The following LRRC3B variants were observed in gnomAD, a reference collection of about 807,000 sequenced individuals.
LRRC3B encodes leucine rich repeat containing 3B.
LRRC3B carries 2 observed loss-of-function variants against 12.8 expected under a neutral mutation model. That is an observed-to-expected ratio of 0.16 (90% CI 0.06 to 0.49). The LOEUF (loss-of-function observed/expected upper bound fraction) is 0.49, where lower values mean the gene tolerates loss of function less well. Among genes scored for constraint, LRRC3B ranks in the 20% least tolerant of loss-of-function variants. The pLI, the probability that LRRC3B is intolerant of heterozygous loss-of-function variation, is 0.96. For missense variants in LRRC3B, 189 were observed against 319.4 expected, an observed-to-expected ratio of 0.59 and a Z score of 3.11; for synonymous variants, 132 against 122.0, an observed-to-expected ratio of 1.08 and a Z score of -0.54.
rs1026627648 is a variant in LRRC3B, at chr3:26,710,020, G to A, written c.348G>A (p.Gln116=). 2.5e-6 allele frequency: 4 copies of A among 1,613,980 alleles called. No homozygotes were observed. The African/African-American group carries it at 4.0e-5, about 16-fold the overall frequency. The change falls in exon 2 of 2, where the codon CAG becomes CAA. Residue 116 remains glutamine, a synonymous_variant. Transcript: ENST00000396641. ...TCAAAGGAGTAGCTGAAACCTTGCA[G>A]ACTCTGGACTTGTCCGACAATCGGA...
At position 26,685,615 on chromosome 3, in the gene LRRC3B, G is replaced by GTGTATA. The variant is rs1395832034; in HGVS notation, c.-160-23897_-160-23896insGTATAT. Among the ~76,000 whole-genome samples the GTGTATA allele has an allele frequency of 2.3e-3, 279 of 120,476 alleles. 3 individuals carry two copies. The highest frequency in any genetic ancestry group is 8.9e-3 in the African/African-American group (262 of 29,394). 79.0% of individuals were successfully genotyped at this position (120,476 alleles called of 152,430 possible). On this transcript the variant is annotated intron_variant, in intron 1 of 1. Transcript: ENST00000396641. The stretch of plus-strand genomic sequence containing the variant: ...CACTCATATATATATATGTGTGTGT[G>GTGTATA]TATATATATATATATATATCTATAT...
At chr3:26,665,911 G>A (rs566334844) in intron 1 of LRRC3B, among the ~76,000 whole-genome samples, 15 of 152,250 alleles carry the variant, frequency 9.9e-5, no homozygotes, top group African/African-American at 3.6e-4. Context: ...AGAGCTAAAA[G>A]TTTAATGTTG....
exon 2 of LRRC3B, chr3:26,710,119 C>T (rs559356448): frequency 5.5e-5 from 89 of 1,613,948 alleles, no homozygotes; most frequent in South Asian, 2.1e-4. Flanking sequence ...CCTGGCACTG[C>T]GACTGTACTC....
chr3:26,697,346 G>C (rs1700342526), intron 1 of LRRC3B, among the ~76,000 whole-genome samples: 1 of 152,136 alleles, frequency 6.6e-6, no homozygotes, highest in Non-Finnish European at 1.5e-5. Flanking sequence ...TTCTTGACTT[G>C]TGGCTATATC....
At chr3:26,656,976 C>T (rs1281885863) in intron 1 of LRRC3B, among the ~76,000 whole-genome samples, 2 of 152,154 alleles carry the variant, frequency 1.3e-5, no homozygotes, top group Non-Finnish European at 2.9e-5. Flanking sequence ...CACAACTTGG[C>T]TCTCTGAGAT....
intron 1 of LRRC3B, among the ~76,000 whole-genome samples, chr3:26,685,161 C>T (rs1200083373): frequency 6.6e-6 from 1 of 151,976 alleles, no homozygotes; most frequent in Non-Finnish European, 1.5e-5. Context: ...ACAAGTTGGT[C>T]AGGCTGGTCT....
At chr3:26,684,126 CT>C (rs1276344696) in intron 1 of LRRC3B, among the ~76,000 whole-genome samples, 2 of 152,192 alleles carry the variant, frequency 1.3e-5, no homozygotes, top group Non-Finnish European at 2.9e-5. Context: ...TCCTTGGAAT[CT>C]TTATTCTCCA....
At chr3:26,701,829 G>A (rs773476838) in intron 1 of LRRC3B, among the ~76,000 whole-genome samples, 1 of 152,092 alleles carries the variant, frequency 6.6e-6, no homozygotes, top group Non-Finnish European at 1.5e-5. Context: ...CACAGAACAT[G>A]TGTCAGCCAA....
At chr3:26,671,538 C>A (rs966571524) in intron 1 of LRRC3B, among the ~76,000 whole-genome samples, 1 of 150,754 alleles carries the variant, frequency 6.6e-6, no homozygotes, top group South Asian at 2.1e-4. Context: ...ACTACAGGCG[C>A]GCGCCACCAA....
intron 1 of LRRC3B, among the ~76,000 whole-genome samples, chr3:26,629,593 C>G (rs966923695): frequency 1.3e-5 from 2 of 152,190 alleles, no homozygotes; most frequent in African/African-American, 2.4e-5. Context: ...GTCCAGGCTG[C>G]TGATCTTCTC....
At chr3:26,686,473 A>T in intron 1 of LRRC3B, among the ~76,000 whole-genome samples, 1 of 152,162 alleles carries the variant, frequency 6.6e-6, no homozygotes, top group East Asian at 1.9e-4. Flanking sequence ...TTTTTATCCA[A>T]TTTCCATTTG....
At chr3:26,630,077 A>G (rs937518366) in intron 1 of LRRC3B, among the ~76,000 whole-genome samples, 2 of 152,068 alleles carry the variant, frequency 1.3e-5, no homozygotes, top group African/African-American at 4.8e-5. Flanking sequence ...GATAAGGGGA[A>G]AAAAAAATCC....
chr3:26,671,410 A>AGAGAGAGAGAGAGAGAGAGAGG (rs1699742333), intron 1 of LRRC3B, among the ~76,000 whole-genome samples: 2 of 131,804 alleles, frequency 1.5e-5, no homozygotes, highest in African/African-American at 3.0e-5. Flanking sequence ...AGAGAGAGAG[A>AGAGAGAGAGAGAGAGAGAGAGG]GAGACGAAGT....
chr3:26,654,802 T>G (rs1390452792), intron 1 of LRRC3B, among the ~76,000 whole-genome samples: 1 of 152,138 alleles, frequency 6.6e-6, no homozygotes, highest in African/African-American at 2.4e-5. Flanking sequence ...AAAGAATATT[T>G]TGTTTGTTTG....
intron 1 of LRRC3B, among the ~76,000 whole-genome samples, chr3:26,664,353 G>C (rs1470938904): frequency 2.6e-5 from 4 of 151,878 alleles, no homozygotes; most frequent in African/African-American, 9.7e-5. Flanking sequence ...ATCCTTTCAG[G>C]TGTCTGTCCC....
intron 1 of LRRC3B, among the ~76,000 whole-genome samples, chr3:26,683,792 T>G (rs962522306): frequency 2.6e-5 from 4 of 152,226 alleles, no homozygotes; most frequent in Non-Finnish European, 5.9e-5. Context: ...TAACCTCATT[T>G]ATTTGTGTAG....
rs566926489 is a variant in LRRC3B at position 26,642,500 on chromosome 3, A to G, written c.-161+19263A>G. 8.5e-5 allele frequency among the ~76,000 whole-genome samples: 13 copies of G among 152,302 alleles called. No individual in the cohort carries two copies. In the South Asian group the frequency reaches 2.7e-3, roughly 32 times the overall value. Reference sequence around the variant, plus strand: ...GCCAGAGAACTTCATAACCCATAGGATGTGGGGATGGCGGAGAGAGCAGAG... The same window carrying G: ...GCCAGAGAACTTCATAACCCATAGGGTGTGGGGATGGCGGAGAGAGCAGAG... On this transcript the variant is annotated intron_variant, in intron 1 of 1. Transcript: ENST00000396641.
At chr3:26,674,673 T>A (rs1699820540) in intron 1 of LRRC3B, among the ~76,000 whole-genome samples, 2 of 152,196 alleles carry the variant, frequency 1.3e-5, no homozygotes, top group Non-Finnish European at 2.9e-5. Context: ...ATATTTTAGA[T>A]GACTAAATCA....
At chr3:26,653,847 G>T (rs1013990005) in intron 1 of LRRC3B, among the ~76,000 whole-genome samples, 4 of 152,164 alleles carry the variant, frequency 2.6e-5, no homozygotes, top group Admixed American at 2.6e-4. Flanking sequence ...ATACCTTATT[G>T]AAAACAATAG....
Sources: gnomAD v4.1 joint callset for allele counts (sites outside exome capture counted in the v4.1 genomes callset) on GRCh38, gnomAD v4.1.1 for gene constraint, MANE v1.5 for transcripts, NCBI Gene and HGNC (gene_info 2026-07-23, HGNC 2026-07-21) for gene names.